WAC: variants seen among roughly 807,000 people sequenced by gnomAD.
The protein encoded by WAC is WW domain containing adaptor with coiled-coil, also known as WW domain-containing adapter protein with coiled-coil.
In WAC, 11 loss-of-function variants were observed where a neutral mutation model predicts 79.6. The observed-to-expected ratio is 0.14, with a 90% confidence interval of 0.09 to 0.23. WAC has a LOEUF of 0.23. Ranked by LOEUF, WAC falls within the 10% of genes least tolerant of loss-of-function variation. The pLI is 1.00. For missense variants in WAC, 728 were observed against 773.5 expected (o/e 0.94, Z 0.70); for synonymous variants, 304 against 276.9 (o/e 1.10, Z -0.97).
chr10:28,591,909 A>G (rs540594371), intron 6 of WAC: 1 of 152,058 alleles, frequency 6.6e-6, no homozygotes, highest in Non-Finnish European at 1.5e-5. Flanking sequence ...TTTGAGAAGA[A>G]TTTCAAGATG....
intron 10 of WAC, among the ~76,000 whole-genome samples, chr10:28,613,395 T>C (rs1418323385): frequency 1.3e-5 from 2 of 152,060 alleles, no homozygotes; most frequent in Non-Finnish European, 2.9e-5. Context: ...TGTGCACTAC[T>C]CAGGAGGCTG....
chr10:28,564,864 T>G (rs530510692), intron 3 of WAC, among the ~76,000 whole-genome samples: 9 of 152,310 alleles, frequency 5.9e-5, no homozygotes, highest in Middle Eastern at 3.4e-3. Context: ...AGTGTGTGTG[T>G]CTGTATTTTG....
chr10:28,573,118 A>AT (rs35055587), intron 3 of WAC, among the ~76,000 whole-genome samples: 63,199 of 151,068 alleles, frequency 0.42, 13,743 homozygotes, highest in East Asian at 0.57. Context: ...TTACATGGCT[A>AT]TTTTTTTTTC....
chr10:28,561,497 G>GT (rs35620962), intron 3 of WAC, among the ~76,000 whole-genome samples: 34,497 of 148,632 alleles, frequency 0.23, 4,721 homozygotes, highest in Non-Finnish European at 0.29. Flanking sequence ...ACTTTTAAAT[G>GT]TTTTTTTTTT....
intron 3 of WAC, among the ~76,000 whole-genome samples, chr10:28,542,915 A>T (rs1240985460): frequency 6.6e-6 from 1 of 152,276 alleles, no homozygotes; most frequent in Non-Finnish European, 1.5e-5. Flanking sequence ...TTTGTGGAAT[A>T]TAAGCTCCAC....
chr10:28,552,284 C>T (rs1837721948), intron 3 of WAC, among the ~76,000 whole-genome samples: 1 of 152,094 alleles, frequency 6.6e-6, no homozygotes, highest in African/African-American at 2.4e-5. Context: ...AGTGATGTAT[C>T]GTTATGGTTT....
At chr10:28,558,531 T>C (rs1170080040) in intron 3 of WAC, among the ~76,000 whole-genome samples, 1 of 152,192 alleles carries the variant, frequency 6.6e-6, no homozygotes, top group Non-Finnish European at 1.5e-5. Flanking sequence ...TTTAATTCTT[T>C]TGAGTTATGT....
At chr10:28,538,804 CAGTG>C (rs1382169702) in intron 3 of WAC, among the ~76,000 whole-genome samples, 1 of 140,280 alleles carries the variant, frequency 7.1e-6, no homozygotes, top group Non-Finnish European at 1.5e-5. Flanking sequence ...TTGAGGTTAA[CAGTG>C]AGCTGTGGTT....
chr10:28,546,898 G>T (rs1192439777), intron 3 of WAC, among the ~76,000 whole-genome samples: 2 of 150,778 alleles, frequency 1.3e-5, no homozygotes, highest in Admixed American at 6.6e-5. Context: ...TCTATTAAGG[G>T]TATTTTAAAA....
intron 10 of WAC, among the ~76,000 whole-genome samples, chr10:28,614,362 G>A (rs1564421199): frequency 6.6e-6 from 1 of 152,184 alleles, no homozygotes; most frequent in African/African-American, 2.4e-5. Flanking sequence ...CAAAGTGCTG[G>A]GATTACAGGC....
chr10:28,590,311 C>CAAAAAAAAAAAAAAAAAAAAAAAA (rs34562281), intron 5 of WAC, among the ~76,000 whole-genome samples: 4 of 103,384 alleles, frequency 3.9e-5, no homozygotes, highest in South Asian at 3.4e-4. Context: ...GATGCTATCT[C>CAAAAAAAAAAAAAAAAAAAAAAAA]AAAAAAAAAA....
intron 4 of WAC, among the ~76,000 whole-genome samples, chr10:28,587,924 C>CA (rs1825755406): frequency 1.3e-5 from 2 of 150,294 alleles, no homozygotes; most frequent in African/African-American, 4.9e-5. Flanking sequence ...GTTCAGCTGA[C>CA]TTTTTTTTTT....
At chr10:28,606,233 G>A (rs1252684055) in intron 7 of WAC, among the ~76,000 whole-genome samples, 2 of 152,150 alleles carry the variant, frequency 1.3e-5, no homozygotes, top group East Asian at 1.9e-4. Flanking sequence ...TGTATTTTTA[G>A]TAGAGACGGG....
intron 3 of WAC, among the ~76,000 whole-genome samples, chr10:28,567,935 G>A (rs1438324837): frequency 6.6e-6 from 1 of 151,966 alleles, no homozygotes; most frequent in Non-Finnish European, 1.5e-5. Context: ...TGGGGGTCTC[G>A]CTATGTTGCC....
chr10:28,608,126 ATGTTTGTTCCAAT>A, intron 7 of WAC, 47 bp from the exon 8 acceptor site: 1 of 1,594,148 alleles, frequency 6.3e-7, no homozygotes, highest in Non-Finnish European at 8.6e-7. Context: ...TGTTCCTTTG[ATGTTTGTTCCAAT>A]TTTCTCTATT....
intron 7 of WAC, among the ~76,000 whole-genome samples, chr10:28,602,146 GACA>G (rs1390958790): frequency 1.3e-5 from 2 of 152,164 alleles, no homozygotes; most frequent in Admixed American, 6.6e-5. Flanking sequence ...TGAGACTAAT[GACA>G]ACAATTGAAT....
At chr10:28,572,193 C>T (rs1001478756) in intron 3 of WAC, among the ~76,000 whole-genome samples, 8 of 151,816 alleles carry the variant, frequency 5.3e-5, no homozygotes, top group East Asian at 3.9e-4. Flanking sequence ...AAAAATTAGC[C>T]GGGCTTGGTG....
intron 3 of WAC, among the ~76,000 whole-genome samples, chr10:28,548,014 G>A (rs549023109): frequency 4.0e-5 from 6 of 149,688 alleles, no homozygotes; most frequent in African/African-American, 1.5e-4. Context: ...TCCGCCTCCC[G>A]GGTTCAAGGG....
intron 7 of WAC, among the ~76,000 whole-genome samples, chr10:28,607,845 T>G (rs1841035169): frequency 6.6e-6 from 1 of 152,224 alleles, no homozygotes; most frequent in Admixed American, 6.5e-5. Flanking sequence ...GAAGCTTATT[T>G]GAATGTGTGG....
Sources: allele counts gnomAD v4.1 joint callset (sites outside exome capture counted in the v4.1 genomes callset), GRCh38; gene constraint gnomAD v4.1.1; transcripts MANE v1.5; gene names NCBI Gene and HGNC (gene_info 2026-07-23, HGNC 2026-07-21).